The following DOCK3 variants were observed in gnomAD, a reference collection of about 807,000 sequenced individuals.
DOCK3 encodes dedicator of cytokinesis protein 3.
DOCK3 carries 60 observed loss-of-function variants against 265.6 expected under a neutral mutation model. The observed-to-expected ratio is 0.23, with a 90% confidence interval of 0.18 to 0.28. DOCK3 has a LOEUF of 0.28. Among genes scored for constraint, DOCK3 ranks in the 10% least tolerant of loss-of-function variants. The probability of loss-of-function intolerance (pLI) is 1.00; values close to 1 mark genes in which losing one functional copy is unlikely to be tolerated. For missense variants in DOCK3, 1,981 were observed against 2,594.3 expected, an observed-to-expected ratio of 0.76 and a Z score of 5.14; for synonymous variants, 881 against 938.0, an observed-to-expected ratio of 0.94 and a Z score of 1.11.
chr3:51,360,027 G>A (rs1383626767), intron 46 of DOCK3, among the ~76,000 whole-genome samples: 1 of 152,178 alleles, frequency 6.6e-6, no homozygotes. Flanking sequence ...AGGATTTTAT[G>A]TTCTGTCTCC....
intron 27 of DOCK3, among the ~76,000 whole-genome samples, chr3:51,306,718 G>T (rs1444314474): frequency 6.6e-6 from 1 of 152,092 alleles, no homozygotes; most frequent in African/African-American, 2.4e-5. Context: ...TTCAGTTATT[G>T]TATTCTTCAA....
At chr3:51,020,411 C>T (rs1278359412) in intron 5 of DOCK3, among the ~76,000 whole-genome samples, 1 of 151,802 alleles carries the variant, frequency 6.6e-6, no homozygotes, top group Non-Finnish European at 1.5e-5. Flanking sequence ...TTCTCCCATT[C>T]TGTAGGTTGT....
At chr3:51,314,065 C>T (rs576779046) in intron 31 of DOCK3, among the ~76,000 whole-genome samples, 12 of 152,134 alleles carry the variant, frequency 7.9e-5, no homozygotes, top group South Asian at 4.1e-4. Context: ...TTTACTTGGC[C>T]GTAGCATTCA....
At chr3:50,957,768 A>T (rs1219093252) in intron 5 of DOCK3, among the ~76,000 whole-genome samples, 1 of 152,200 alleles carries the variant, frequency 6.6e-6, no homozygotes, top group African/African-American at 2.4e-5. Context: ...TACATGACAG[A>T]TTGTTTGTAT....
intron 4 of DOCK3, among the ~76,000 whole-genome samples, chr3:50,900,268 G>A (rs567502624): frequency 5.9e-5 from 9 of 151,980 alleles, no homozygotes; most frequent in East Asian, 1.9e-4. Context: ...TGATCGGTTC[G>A]GCTATTGATA....
At chr3:50,787,285 C>T in intron 2 of DOCK3, 1 of 456,234 alleles carries the variant, frequency 2.2e-6, no homozygotes, top group Non-Finnish European at 4.0e-6. Context: ...CCTGTAATCC[C>T]AGCACTTTGG....
At chr3:51,051,544 A>G (rs1185890860) in intron 5 of DOCK3, among the ~76,000 whole-genome samples, 1 of 152,116 alleles carries the variant, frequency 6.6e-6, no homozygotes, top group Non-Finnish European at 1.5e-5. Flanking sequence ...TTCTTTTTGT[A>G]AAGGGGTGAG....
intron 2 of DOCK3, among the ~76,000 whole-genome samples, chr3:50,803,757 C>T (rs1301042060): frequency 1.3e-5 from 2 of 151,596 alleles, no homozygotes; most frequent in Non-Finnish European, 2.9e-5. Context: ...TGCCCCCCAC[C>T]TCCCTCCTGG....
intron 21 of DOCK3, among the ~76,000 whole-genome samples, chr3:51,239,872 T>C (rs750083016): frequency 6.6e-6 from 1 of 152,140 alleles, no homozygotes; most frequent in Admixed American, 6.5e-5. Context: ...TAGCTAGCAG[T>C]CTATTAATTG....
At chr3:51,097,827 A>T (rs1208589669) in intron 9 of DOCK3, among the ~76,000 whole-genome samples, 12 of 152,144 alleles carry the variant, frequency 7.9e-5, no homozygotes. Flanking sequence ...ACTGTCCCTC[A>T]TGGCACAGTC....
chr3:51,194,249 C>T (rs994814676), intron 12 of DOCK3, among the ~76,000 whole-genome samples: 1 of 151,790 alleles, frequency 6.6e-6, no homozygotes, highest in Non-Finnish European at 1.5e-5. Context: ...AGTTTTATTC[C>T]ATTGTGGTTT....
At chr3:51,147,284 A>G (rs2085342547) in intron 10 of DOCK3, among the ~76,000 whole-genome samples, 1 of 152,198 alleles carries the variant, frequency 6.6e-6, no homozygotes, top group Admixed American at 6.5e-5. Context: ...ACAGCAAGAC[A>G]AACTAAATAG....
At position 51,075,410 on chromosome 3, in the gene DOCK3, C is replaced by T. The variant is rs769189456; in HGVS notation, c.519C>T (p.Asp173=). 3.1e-6 allele frequency: 5 copies of T among 1,610,696 alleles called. No homozygotes were observed. In the Admixed American group the frequency reaches 5.0e-5, roughly 16 times the overall value. The part of the protein sequence containing the change: ...PRKDFEVVDS[D]QISVSDLYKM... Reference sequence around the variant, plus strand: ...AGGACTTTGAAGTAGTGGACTCGGACCAGATTAGTGTCTCAGATCTCTATA... The same window carrying T: ...AGGACTTTGAAGTAGTGGACTCGGATCAGATTAGTGTCTCAGATCTCTATA... Residue 173 remains aspartate, a synonymous_variant, in exon 7 of 53, where the codon GAC becomes GAT. Coordinates refer to ENST00000266037, the MANE Select transcript of DOCK3 (RefSeq NM_004947.5).
At chr3:51,041,434 G>T (rs1460815180) in intron 5 of DOCK3, among the ~76,000 whole-genome samples, 4 of 151,186 alleles carry the variant, frequency 2.6e-5, no homozygotes, top group Non-Finnish European at 4.4e-5. Flanking sequence ...AGCCAGGATG[G>T]TCTCGATCTC....
intron 3 of DOCK3, among the ~76,000 whole-genome samples, chr3:50,859,276 C>T (rs533649683): frequency 3.8e-5 from 5 of 130,010 alleles, no homozygotes; most frequent in Admixed American, 9.7e-5. Context: ...AGTACAGTGG[C>T]ATGAACTTGG....
chr3:51,226,153 C>T (rs545048395), intron 15 of DOCK3, among the ~76,000 whole-genome samples: 2 of 152,316 alleles, frequency 1.3e-5, no homozygotes, highest in East Asian at 3.9e-4. Context: ...GTTATATTTA[C>T]ACTTTGGTCA....
In DOCK3 at chr3:50,848,479, G is replaced by A. The variant is rs554789283; in HGVS notation, c.162+6764G>A. On this transcript the variant is annotated intron_variant, in intron 3 of 52. Coordinates refer to ENST00000266037, the MANE Select transcript of DOCK3 (RefSeq NM_004947.5). ...CTCTTAAGGATCTCCTGTAAGCCTG[G>A]ACTAGTGGTAACAAATTTCCTTAGT... Among the ~76,000 whole-genome samples, 9 of 152,236 alleles carry A rather than the reference G, an allele frequency of 5.9e-5. No individual in the cohort carries two copies. In the South Asian group the frequency reaches 1.9e-3, roughly 32 times the overall value.
At chr3:51,033,403 T>C (rs2080131440) in intron 5 of DOCK3, among the ~76,000 whole-genome samples, 1 of 152,238 alleles carries the variant, frequency 6.6e-6, no homozygotes, top group South Asian at 2.1e-4. Context: ...CCTTTTGCTT[T>C]GACTGGCCCA....
intron 1 of DOCK3, among the ~76,000 whole-genome samples, chr3:50,712,051 C>G (rs1225065793): frequency 6.6e-6 from 1 of 151,946 alleles, no homozygotes; most frequent in Non-Finnish European, 1.5e-5. Context: ...TAATTTAAGT[C>G]TTTTAAAAAA....
Sources: gnomAD v4.1 joint callset for allele counts (sites outside exome capture counted in the v4.1 genomes callset) on GRCh38, gnomAD v4.1.1 for gene constraint, MANE v1.5 for transcripts, NCBI Gene and HGNC (gene_info 2026-07-23, HGNC 2026-07-21) for gene names.